The following ADAMTS6 variants were observed in gnomAD, a reference collection of about 807,000 sequenced individuals.
The protein encoded by ADAMTS6 is A disintegrin and metalloproteinase with thrombospondin motifs 6.
A neutral mutation model predicts 144.3 loss-of-function variants in ADAMTS6; 23 were observed. The ratio of observed to expected loss-of-function variants is 0.16; its 90% CI spans 0.11 to 0.23. ADAMTS6 has a LOEUF of 0.23. Ranked by LOEUF, ADAMTS6 falls within the 10% of genes least tolerant of loss-of-function variation. ADAMTS6 has a pLI of 1.00. For synonymous variants in ADAMTS6, 444 were observed against 457.5 expected (o/e 0.97, Z 0.38); for missense variants, 999 against 1,379.6 (o/e 0.72, Z 4.37).
At chr5:65,347,572 G>C (rs1274645496) in intron 7 of ADAMTS6, among the ~76,000 whole-genome samples, 4 of 151,796 alleles carry the variant, frequency 2.6e-5, no homozygotes, top group Non-Finnish European at 5.9e-5. Context: ...TAGGAGAAAA[G>C]CTCCACAACA....
chr5:65,435,350 T>C (rs183836658), intron 7 of ADAMTS6, among the ~76,000 whole-genome samples: 3 of 152,278 alleles, frequency 2.0e-5, no homozygotes, highest in East Asian at 3.9e-4. Context: ...CTTTCAACTT[T>C]ATGAGTAATT....
intron 12 of ADAMTS6, among the ~76,000 whole-genome samples, chr5:65,263,229 A>C (rs897042983): frequency 6.6e-6 from 1 of 152,112 alleles, no homozygotes; most frequent in East Asian, 1.9e-4. Flanking sequence ...CCTTGTTTCT[A>C]TTCCTCTTGA....
intron 3 of ADAMTS6, among the ~76,000 whole-genome samples, chr5:65,467,803 T>C (rs1258174161): frequency 6.6e-6 from 1 of 152,142 alleles, no homozygotes; most frequent in Non-Finnish European, 1.5e-5. Flanking sequence ...ACCAGGAATG[T>C]AAACTCAGAA....
At chr5:65,373,931 C>G (rs529380311) in intron 7 of ADAMTS6, among the ~76,000 whole-genome samples, 1 of 152,304 alleles carries the variant, frequency 6.6e-6, no homozygotes, top group South Asian at 2.1e-4. Context: ...GGCTTCATCC[C>G]TGGGATGCAA....
At chr5:65,258,496 A>C (rs1760888229) in intron 14 of ADAMTS6, among the ~76,000 whole-genome samples, 1 of 152,186 alleles carries the variant, frequency 6.6e-6, no homozygotes, top group Non-Finnish European at 1.5e-5. Flanking sequence ...GGAGCCATTG[A>C]GGGGTTTTGA....
chr5:65,385,442 A>G (rs771130067), intron 7 of ADAMTS6, among the ~76,000 whole-genome samples: 5 of 152,216 alleles, frequency 3.3e-5, no homozygotes, highest in African/African-American at 4.8e-5. Context: ...CTGGGTCTTC[A>G]TGATCTTGGG....
At chr5:65,320,986 T>C (rs1745556851) in intron 9 of ADAMTS6, among the ~76,000 whole-genome samples, 1 of 152,206 alleles carries the variant, frequency 6.6e-6, no homozygotes, top group South Asian at 2.1e-4. Flanking sequence ...GTCTTTGCTA[T>C]TGTGCATAGG....
chr5:65,235,762 C>T (rs1322271710), intron 15 of ADAMTS6, among the ~76,000 whole-genome samples: 1 of 152,156 alleles, frequency 6.6e-6, no homozygotes, highest in Non-Finnish European at 1.5e-5. Context: ...TGAACTAATA[C>T]TTAATAAACT....
chr5:65,238,054 C>G (rs1758832359), intron 15 of ADAMTS6, among the ~76,000 whole-genome samples: 1 of 151,764 alleles, frequency 6.6e-6, no homozygotes, highest in Non-Finnish European at 1.5e-5. Flanking sequence ...CCACTGCACT[C>G]CAGCCTTGGC....
chr5:65,186,017 T>C (rs1461493657), intron 22 of ADAMTS6, among the ~76,000 whole-genome samples: 1 of 152,188 alleles, frequency 6.6e-6, no homozygotes, highest in Non-Finnish European at 1.5e-5. Flanking sequence ...GGTGATATAG[T>C]ATAGAGTTCT....
chr5:65,425,500 T>C (rs1331510243), intron 7 of ADAMTS6, among the ~76,000 whole-genome samples: 1 of 152,200 alleles, frequency 6.6e-6, no homozygotes, highest in African/African-American at 2.4e-5. Flanking sequence ...AACCCAGTGT[T>C]ATTTTTGACT....
chr5:65,188,914 A>G (rs1257558141), intron 21 of ADAMTS6, among the ~76,000 whole-genome samples: 1 of 152,214 alleles, frequency 6.6e-6, no homozygotes, highest in Non-Finnish European at 1.5e-5. Context: ...TTTGTTTTTC[A>G]ATTTCTAGAA....
chr5:65,224,251 C>G, intron 18 of ADAMTS6, 69 bp downstream of exon 18: 1 of 1,311,670 alleles, frequency 7.6e-7, no homozygotes, highest in Non-Finnish European at 1.1e-6. Flanking sequence ...CCTTTTCCTT[C>G]ATGATACTGT....
At chr5:65,250,153 GA>G (rs1760026714) in intron 14 of ADAMTS6, among the ~76,000 whole-genome samples, 1 of 152,156 alleles carries the variant, frequency 6.6e-6, no homozygotes, top group Non-Finnish European at 1.5e-5. Context: ...ATGAGGTATT[GA>G]ATACCAGTTA....
chr5:65,164,059 A>T (rs940898631), intron 24 of ADAMTS6, among the ~76,000 whole-genome samples: 1 of 152,178 alleles, frequency 6.6e-6, no homozygotes, highest in African/African-American at 2.4e-5. Context: ...AGCTCTGGTC[A>T]ACAGCTCCCA....
In ADAMTS6 at chr5:65,413,851, A is replaced by G. The variant is rs546765541; in HGVS notation, c.1073+37624T>C. Among the ~76,000 whole-genome samples the G allele has an allele frequency of 1.1e-4, 16 of 152,232 alleles. 1 individual carries two copies. Among genetic ancestry groups the G allele is most frequent in the African/African-American group, 3.9e-4 (16 of 41,534 alleles). On this transcript the variant is annotated intron_variant, in intron 7 of 24. Transcript: ENST00000381055. Reference sequence around the variant, plus strand: ...ATTATAATTTCCTTTTGCCCCCACTACACCAGAAATCTATTAACATAATTA... The same window carrying G: ...ATTATAATTTCCTTTTGCCCCCACTGCACCAGAAATCTATTAACATAATTA...
At chr5:65,394,537 A>G (rs1753185483) in intron 7 of ADAMTS6, among the ~76,000 whole-genome samples, 1 of 152,334 alleles carries the variant, frequency 6.6e-6, no homozygotes, top group East Asian at 1.9e-4. Flanking sequence ...TCAGCATTCC[A>G]GATAGTGAAT....
chr5:65,457,213 A>AT (rs1289509985), intron 4 of ADAMTS6, among the ~76,000 whole-genome samples: 2 of 152,256 alleles, frequency 1.3e-5, no homozygotes, highest in Non-Finnish European at 2.9e-5. Flanking sequence ...AGCCAGATAT[A>AT]GGGGACAGAT....
At chr5:65,203,981 C>A (rs1052157434) in intron 20 of ADAMTS6, among the ~76,000 whole-genome samples, 5 of 152,148 alleles carry the variant, frequency 3.3e-5, no homozygotes, top group South Asian at 2.1e-4. Context: ...CCAAACCCTG[C>A]TCGTGTTAGG....
Sources: gnomAD v4.1 joint callset for allele counts (sites outside exome capture counted in the v4.1 genomes callset) on GRCh38, gnomAD v4.1.1 for gene constraint, MANE v1.5 for transcripts, NCBI Gene and HGNC (gene_info 2026-07-23, HGNC 2026-07-21) for gene names.